The following TTC28 variants were observed in gnomAD, a reference collection of about 807,000 sequenced individuals.
The protein encoded by TTC28 is tetratricopeptide repeat domain 28, also known as tetratricopeptide repeat protein 28.
TTC28 carries 61 observed loss-of-function variants against 198.0 expected under a neutral mutation model. That is an observed-to-expected ratio of 0.31 (90% CI 0.25 to 0.38). The LOEUF (loss-of-function observed/expected upper bound fraction) is 0.38, where lower values mean the gene tolerates loss of function less well. Among genes scored for constraint, TTC28 ranks in the 10% least tolerant of loss-of-function variants. TTC28 has a pLI of 1.00. For synonymous variants in TTC28, 1,171 were observed against 1,297.8 expected, an observed-to-expected ratio of 0.90 and a Z score of 2.10; for missense variants, 2,678 against 3,164.0, an observed-to-expected ratio of 0.85 and a Z score of 3.69.
chr22:28,268,380 T>C (rs1931823553), intron 5 of TTC28, among the ~76,000 whole-genome samples: 1 of 152,194 alleles, frequency 6.6e-6, no homozygotes, highest in Non-Finnish European at 1.5e-5. Context: ...ACAAATGTCC[T>C]TTTAAAAGAC....
chr22:28,422,226 C>T (rs1472305100), intron 2 of TTC28, among the ~76,000 whole-genome samples: 4 of 152,166 alleles, frequency 2.6e-5, no homozygotes, highest in African/African-American at 9.7e-5. Flanking sequence ...CTTCCTCTCA[C>T]TTTATACTTG....
At chr22:28,088,618 A>C (rs573833630) in intron 12 of TTC28, among the ~76,000 whole-genome samples, 2 of 152,330 alleles carry the variant, frequency 1.3e-5, no homozygotes, top group African/African-American at 2.4e-5. Context: ...GACTTCGTGT[A>C]TAAAACATCA....
intron 1 of TTC28, among the ~76,000 whole-genome samples, chr22:28,650,037 A>C (rs928401774): frequency 6.6e-6 from 1 of 152,130 alleles, no homozygotes; most frequent in Non-Finnish European, 1.5e-5. Flanking sequence ...TTAAAATATC[A>C]ATTTTTGTGA....
At chr22:28,441,391 G>A (rs760178147) in intron 2 of TTC28, among the ~76,000 whole-genome samples, 9 of 137,636 alleles carry the variant, frequency 6.5e-5, no homozygotes, top group East Asian at 6.5e-4. Flanking sequence ...AGTTTTCCTC[G>A]TTCTGTCTGT....
chr22:28,399,335 T>A (rs2046867314), intron 2 of TTC28, among the ~76,000 whole-genome samples: 1 of 150,448 alleles, frequency 6.6e-6, no homozygotes, highest in Admixed American at 6.6e-5. Flanking sequence ...TTTTTTTTTT[T>A]TGAGACAGGC....
rs1266891951 is a variant in TTC28 at position 27,978,642 on chromosome 22, A to AT, written c.*3578dup. ...CAGCAAGTTTCAGTGTGGACCGTGA[A>AT]TTTTTAAAAAATGGAATGGAGGTGA... is the stretch of plus-strand genomic sequence containing the variant. On this transcript the variant is annotated 3_prime_UTR_variant, in exon 23 of 23. Coordinates refer to ENST00000397906, the MANE Select transcript of TTC28 (RefSeq NM_001145418.2). 6.6e-6 allele frequency: 1 copy of AT among 152,248 alleles called. No individual in the cohort carries two copies. Among genetic ancestry groups the AT allele is most frequent in the Non-Finnish European group, 1.5e-5 (1 of 68,038 alleles). 9.4% of individuals were successfully genotyped at this position (152,248 alleles called of 1,614,324 possible).
chr22:28,674,817 C>CA lies in TTC28; in HGVS notation c.102+4804dup, dbSNP rs34351638. Among the ~76,000 whole-genome samples the CA allele has an allele frequency of 4.5e-3, 435 of 96,466 alleles. 2 individuals are homozygous for CA. Among genetic ancestry groups the CA allele is most frequent in the African/African-American group, 6.3e-3 (154 of 24,536 alleles). 63.3% of individuals were successfully genotyped at this position (96,466 alleles called of 152,430 possible). A position where few individuals can be genotyped will look rare whatever the true frequency, so the allele number is the denominator to read the frequency against. ...CTGGGCGATGGCGAGACTCTGTCTC[C>CA]AAAAAAAAAAAAAAAAAAAGGTAAA... is the stretch of plus-strand genomic sequence containing the variant. On this transcript the variant is annotated intron_variant, in intron 1 of 22. Coordinates refer to ENST00000397906, the MANE Select transcript of TTC28 (RefSeq NM_001145418.2).
At chr22:28,494,424 C>T (rs1197476603) in intron 2 of TTC28, among the ~76,000 whole-genome samples, 4 of 152,144 alleles carry the variant, frequency 2.6e-5, no homozygotes, top group African/African-American at 4.8e-5. Context: ...CTAATCTCTA[C>T]CTAGGAACTT....
At chr22:28,572,269 G>A (rs1470242242) in intron 2 of TTC28, among the ~76,000 whole-genome samples, 2 of 152,020 alleles carry the variant, frequency 1.3e-5, no homozygotes, top group Non-Finnish European at 2.9e-5. Context: ...TTGAACCCAG[G>A]AGGCAGAAGT....
At position 28,084,987 on chromosome 22, in the gene TTC28, C is replaced by G. The variant is rs191148520; in HGVS notation, c.3932+9093G>C. On this transcript the variant is annotated intron_variant, in intron 12 of 22. Coordinates refer to ENST00000397906, the MANE Select transcript of TTC28 (RefSeq NM_001145418.2). ...AAAAGAATAAAAAGAAATGAACAAACCCTCCAAGAAATATGGGACTATGTG... is the reference window on the plus strand; with the variant it reads ...AAAAGAATAAAAAGAAATGAACAAAGCCTCCAAGAAATATGGGACTATGTG... Among the ~76,000 whole-genome samples the G allele has an allele frequency of 1.2e-4, 18 of 152,068 alleles. 1 individual carries two copies. The highest frequency in any genetic ancestry group is 3.9e-4 in the Admixed American group (6 of 15,246).
intron 6 of TTC28, among the ~76,000 whole-genome samples, chr22:28,152,487 T>C (rs958979128): frequency 6.6e-6 from 1 of 152,182 alleles, no homozygotes; most frequent in Admixed American, 6.5e-5. Context: ...ACTCAAGTCT[T>C]ATCCTGGCTC....
chr22:28,428,188 G>A (rs75618734), intron 2 of TTC28, among the ~76,000 whole-genome samples: 3,004 of 150,796 alleles, frequency 0.02, 30 homozygotes, highest in Non-Finnish European at 0.027. Context: ...ACTAATCGGA[G>A]GTGAGTATGT....
At chr22:28,371,336 C>G (rs903846124) in intron 2 of TTC28, among the ~76,000 whole-genome samples, 1 of 148,832 alleles carries the variant, frequency 6.7e-6, no homozygotes, top group East Asian at 2.0e-4. Context: ...ATGGCAAAAC[C>G]CCAGTACTAC....
chr22:28,349,098 G>A (rs1030300461), intron 2 of TTC28, among the ~76,000 whole-genome samples: 6 of 152,112 alleles, frequency 3.9e-5, no homozygotes, highest in Non-Finnish European at 7.3e-5. Context: ...TTGCAGTAGA[G>A]ACAATTAGGG....
intron 1 of TTC28, among the ~76,000 whole-genome samples, chr22:28,633,833 T>C (rs2051220407): frequency 6.6e-6 from 1 of 152,160 alleles, no homozygotes; most frequent in African/African-American, 2.4e-5. Flanking sequence ...TAGTGAAATA[T>C]CTCTCACAGA....
intron 12 of TTC28, among the ~76,000 whole-genome samples, chr22:28,065,467 C>T (rs750424638): frequency 2.6e-5 from 4 of 152,058 alleles, no homozygotes; most frequent in Non-Finnish European, 5.9e-5. Context: ...ATAAAATGGT[C>T]GGGCCAACAA....
chr22:28,134,894 C>T (rs1233109787), intron 6 of TTC28, among the ~76,000 whole-genome samples: 23 of 151,996 alleles, frequency 1.5e-4, no homozygotes, highest in Admixed American at 1.5e-3. Flanking sequence ...CCATTTTTTC[C>T]ATTTGTTTCA....
intron 2 of TTC28, among the ~76,000 whole-genome samples, chr22:28,354,189 C>T (rs544143727): frequency 2.0e-5 from 3 of 152,146 alleles, no homozygotes; most frequent in Admixed American, 2.0e-4. Flanking sequence ...GGTATATAGC[C>T]CTCAAAATTG....
In TTC28 at chr22:28,652,856, A is replaced by C. The variant is rs114819469; in HGVS notation, c.103-23026T>G. Among the ~76,000 whole-genome samples the C allele has an allele frequency of 8.1e-3, 1,236 of 152,238 alleles. 24 individuals carry two copies. Among genetic ancestry groups the C allele is most frequent in the African/African-American group, 0.029 (1,194 of 41,520 alleles). On this transcript the variant is annotated intron_variant, in intron 1 of 22. Transcript: ENST00000397906. ...TGACAGCATCTTTACCATTTGCCCA[A>C]CTGATCCCTATTGTATAAATATGCA...
Sources: gnomAD v4.1 joint callset for allele counts (sites outside exome capture counted in the v4.1 genomes callset) on GRCh38, gnomAD v4.1.1 for gene constraint, MANE v1.5 for transcripts, NCBI Gene and HGNC (gene_info 2026-07-23, HGNC 2026-07-21) for gene names.